The following PDE5A variants were observed in gnomAD, a reference collection of about 807,000 sequenced individuals.
The protein encoded by PDE5A is phosphodiesterase 5A.
PDE5A carries 67 observed loss-of-function variants against 110.2 expected under a neutral mutation model. That is an observed-to-expected ratio of 0.61 (90% confidence interval 0.50 to 0.75). PDE5A has a LOEUF of 0.75. Among genes scored for constraint, PDE5A ranks in the 30% least tolerant of loss-of-function variants. The pLI is 0.00. For missense variants in PDE5A, 862 were observed against 1,045.1 expected (o/e 0.82, Z 2.42); for synonymous variants, 328 against 351.2 (o/e 0.93, Z 0.74).
chr4:119,522,912 A>G lies in PDE5A; in HGVS notation c.1780-1852T>C, dbSNP rs180991045. Among the ~76,000 whole-genome samples the G allele has an allele frequency of 6.2e-4, 95 of 152,230 alleles. 1 individual carries two copies. Among genetic ancestry groups the G allele is most frequent in the Admixed American group, 1.4e-3 (21 of 15,262 alleles). On this transcript the variant is annotated intron_variant, in intron 12 of 20. Coordinates refer to ENST00000354960, the MANE Select transcript of PDE5A (RefSeq NM_001083.4). ...TACGTTGAATCAGTCTCTAACAATT[A>G]TGGAAGGTTTCCTGAGTGGTGAACT...
Position 119,498,720 on chromosome 4 carries a change from C to G in PDE5A, c.2509G>C (p.Glu837Gln), listed in dbSNP as rs2110447641. The part of the protein sequence containing the change: ...QLYEALTHVS[E>Q]DCFPLLDGCR... Reference sequence around the variant, plus strand: ...CCATCTAGCAAAGGGAAACAGTCCTCTGACACGTGGGTCAGGGCCTAAAGA... The same window carrying G: ...CCATCTAGCAAAGGGAAACAGTCCTGTGACACGTGGGTCAGGGCCTAAAGA... Residue 837 changes from glutamate (E) to glutamine (Q), a missense_variant, in exon 21 of 21, where the codon GAG becomes CAG. Coordinates refer to ENST00000354960, the MANE Select transcript of PDE5A (RefSeq NM_001083.4). The G allele has an allele frequency of 4.3e-6, 7 of 1,613,932 alleles. No homozygotes were observed. The East Asian group carries it at 1.6e-4, about 36-fold the overall frequency.
intron 3 of PDE5A, among the ~76,000 whole-genome samples, chr4:119,581,693 A>G (rs1247881022): frequency 2.6e-5 from 4 of 152,242 alleles, no homozygotes. Flanking sequence ...GCCAGTTAAT[A>G]TACAATGAAG....
intron 1 of PDE5A, among the ~76,000 whole-genome samples, chr4:119,618,006 T>C (rs985893389): frequency 2.0e-5 from 3 of 152,150 alleles, no homozygotes; most frequent in African/African-American, 7.2e-5. Context: ...AGAAACCTCA[T>C]GACATTAAAT....
At chr4:119,597,836 A>C (rs977903375) in intron 2 of PDE5A, among the ~76,000 whole-genome samples, 5 of 152,246 alleles carry the variant, frequency 3.3e-5, no homozygotes, top group African/African-American at 1.2e-4. Flanking sequence ...AGAGGGCCCA[A>C]CTTAGCTTAA....
chr4:119,622,116 G>A (rs1730169110), intron 1 of PDE5A, among the ~76,000 whole-genome samples: 1 of 151,882 alleles, frequency 6.6e-6, no homozygotes, highest in Non-Finnish European at 1.5e-5. Context: ...GGAGCTTGTG[G>A]TGAGCCGAGA....
chr4:119,620,051 T>TA (rs1730087537), intron 1 of PDE5A, among the ~76,000 whole-genome samples: 1 of 152,120 alleles, frequency 6.6e-6, no homozygotes, highest in Non-Finnish European at 1.5e-5. Flanking sequence ...GTGTCTGGAG[T>TA]TCAGGGATGT....
chr4:119,546,092 C>A (rs1461269237), intron 9 of PDE5A, among the ~76,000 whole-genome samples: 1 of 152,068 alleles, frequency 6.6e-6, no homozygotes, highest in East Asian at 1.9e-4. Context: ...AGATGTATTA[C>A]ATTTAATCTT....
At chr4:119,559,989 T>C (rs181006703) in intron 7 of PDE5A, among the ~76,000 whole-genome samples, 19 of 152,282 alleles carry the variant, frequency 1.2e-4, no homozygotes, top group Admixed American at 6.5e-4. Flanking sequence ...CACCCCACCC[T>C]TTGCTAATTC....
At chr4:119,592,706 G>A (rs1380965594) in intron 3 of PDE5A, among the ~76,000 whole-genome samples, 1 of 151,992 alleles carries the variant, frequency 6.6e-6, no homozygotes, top group African/African-American at 2.4e-5. Context: ...TCACATTTTG[G>A]AGCATTTTGG....
At chr4:119,558,598 T>C (rs1157213856) in intron 7 of PDE5A, among the ~76,000 whole-genome samples, 4 of 152,170 alleles carry the variant, frequency 2.6e-5, no homozygotes, top group Non-Finnish European at 5.9e-5. Flanking sequence ...AATGTTAACA[T>C]TACTAAACAC....
Position 119,542,775 on chromosome 4 carries a change from C to G in PDE5A, c.1397-141G>C. On this transcript the variant is annotated intron_variant, in intron 9 of 20. Coordinates refer to ENST00000354960, the MANE Select transcript of PDE5A (RefSeq NM_001083.4). ...GTCGAAATAAGCAAATTAACCCCCACAAATATAAGCTAGAGAAGTAAACAG... is the reference window on the plus strand; with the variant it reads ...GTCGAAATAAGCAAATTAACCCCCAGAAATATAAGCTAGAGAAGTAAACAG... 4.4e-6 allele frequency: 3 copies of G among 681,334 alleles called. No individual in the cohort carries two copies. The South Asian group carries it at 6.0e-5, about 14-fold the overall frequency. The allele number at this position is 681,334 out of a possible 1,614,324, so 42.2% of individuals were successfully genotyped here. A position where few individuals can be genotyped will look rare whatever the true frequency, so the allele number is the denominator to read the frequency against.
Position 119,628,727 on chromosome 4 carries a change from G to T in PDE5A, c.-56C>A. On this transcript the variant is annotated 5_prime_UTR_variant, in exon 1 of 21. Coordinates refer to ENST00000354960, the MANE Select transcript of PDE5A (RefSeq NM_001083.4). ...GGTACTGCTTTTCCACCCCAGCTGG[G>T]GTCCGTCCCTCAGAAGAACAGGACT... is the stretch of plus-strand genomic sequence containing the variant. 1 of 1,595,668 alleles carries T rather than the reference G, an allele frequency of 6.3e-7. No homozygotes were observed. Among genetic ancestry groups the T allele is most frequent in the Non-Finnish European group, 8.5e-7 (1 of 1,176,124 alleles).
At chr4:119,540,837 T>A (rs917558077) in intron 10 of PDE5A, among the ~76,000 whole-genome samples, 8 of 152,148 alleles carry the variant, frequency 5.3e-5, no homozygotes, top group African/African-American at 1.9e-4. Flanking sequence ...AATGGTCTCA[T>A]AAAGAAAGGA....
rs1367037282 is a variant in PDE5A at position 119,495,502 on chromosome 4, A to G, written c.*3099T>C. On this transcript the variant is annotated 3_prime_UTR_variant, in exon 21 of 21. Coordinates refer to ENST00000354960, the MANE Select transcript of PDE5A (RefSeq NM_001083.4). Reference sequence around the variant, plus strand: ...GTTTTAGGAGTACAATCTGGTGAAAAACACAGAAAAAAATTGTAGATCAAA... The same window carrying G: ...GTTTTAGGAGTACAATCTGGTGAAAGACACAGAAAAAAATTGTAGATCAAA... The G allele has an allele frequency of 6.6e-6, 1 of 152,524 alleles. No homozygotes were observed. Among genetic ancestry groups the G allele is most frequent in the Admixed American group, 6.6e-5 (1 of 15,246 alleles). The allele number at this position is 152,524 out of a possible 1,614,324, so 9.4% of individuals were successfully genotyped here.
chr4:119,606,218 G>A (rs1402892203), intron 2 of PDE5A, among the ~76,000 whole-genome samples: 4 of 152,066 alleles, frequency 2.6e-5, no homozygotes, highest in Non-Finnish European at 5.9e-5. Flanking sequence ...TGAAAGAGAG[G>A]ATAGAAAGAA....
intron 2 of PDE5A, among the ~76,000 whole-genome samples, chr4:119,599,608 A>G (rs1295963174): frequency 6.6e-6 from 1 of 152,026 alleles, no homozygotes; most frequent in Non-Finnish European, 1.5e-5. Flanking sequence ...GTGACTCTGA[A>G]GATAAATCAA....
chr4:119,502,356 AAG>A (rs1416927270), intron 19 of PDE5A: 4 of 340,178 alleles, frequency 1.2e-5, no homozygotes, highest in African/African-American at 8.5e-5. Context: ...ACAAATTACA[AAG>A]AACACTGATA....
chr4:119,604,918 C>T (rs1729474662), intron 2 of PDE5A, among the ~76,000 whole-genome samples: 1 of 152,046 alleles, frequency 6.6e-6, no homozygotes, highest in South Asian at 2.1e-4. Context: ...AAATCCATTC[C>T]CTCCTTTTGA....
At chr4:119,549,525 G>A (rs1163629841) in intron 9 of PDE5A, 3 of 152,074 alleles carry the variant, frequency 2.0e-5, no homozygotes, top group African/African-American at 7.2e-5. Flanking sequence ...TTAACAAGGA[G>A]ATGAAAAAGT....
Sources: allele counts gnomAD v4.1 joint callset (sites outside exome capture counted in the v4.1 genomes callset), GRCh38; gene constraint gnomAD v4.1.1; transcripts MANE v1.5; gene names NCBI Gene and HGNC (gene_info 2026-07-23, HGNC 2026-07-21).